The following CCBE1 variants were observed in gnomAD, a reference collection of about 807,000 sequenced individuals.
The protein encoded by CCBE1 is collagen and calcium-binding EGF domain-containing protein 1.
CCBE1 carries 37 observed loss-of-function variants against 50.0 expected under a neutral mutation model. The ratio of observed to expected loss-of-function variants is 0.74; its 90% CI spans 0.57 to 0.97. CCBE1 has a LOEUF of 0.97. Ranked by LOEUF, CCBE1 falls within the 50% of genes least tolerant of loss-of-function variation. The probability of loss-of-function intolerance (pLI) is 0.00; values close to 1 mark genes in which losing one functional copy is unlikely to be tolerated. For synonymous variants in CCBE1, 234 were observed against 203.7 expected, an observed-to-expected ratio of 1.15 and a Z score of -1.27; for missense variants, 538 against 523.8, an observed-to-expected ratio of 1.03 and a Z score of -0.26.
At chr18:59,467,610 C>T (rs1290326210) in intron 4 of CCBE1, among the ~76,000 whole-genome samples, 3 of 152,164 alleles carry the variant, frequency 2.0e-5, no homozygotes, top group Non-Finnish European at 4.4e-5. Context: ...GGACTTGCTC[C>T]CCTGCCGCAT....
intron 6 of CCBE1, among the ~76,000 whole-genome samples, chr18:59,452,187 T>G (rs1910968887): frequency 6.6e-6 from 1 of 152,198 alleles, no homozygotes; most frequent in African/African-American, 2.4e-5. Context: ...GCTGTGGGGT[T>G]GGCCATGGTC....
chr18:59,614,096 C>T lies in CCBE1; in HGVS notation c.212+82533G>A, dbSNP rs1416402029. Among the ~76,000 whole-genome samples, 9 of 152,164 alleles carry T rather than the reference C, an allele frequency of 5.9e-5. No homozygotes were observed. The East Asian group carries it at 9.7e-4, about 16-fold the overall frequency. On this transcript the variant is annotated intron_variant, in intron 2 of 10. Coordinates refer to ENST00000439986, the MANE Select transcript of CCBE1 (RefSeq NM_133459.4). ...TCTCGTCTAACTGCAACCTCTGCCT[C>T]GAAGGTTCAAGAGATTCTCCTGTCT...
intron 5 of CCBE1, among the ~76,000 whole-genome samples, chr18:59,465,887 A>T (rs1911717730): frequency 6.6e-6 from 1 of 152,108 alleles, no homozygotes; most frequent in Admixed American, 6.5e-5. Context: ...TTTCTCTAAG[A>T]GCACACCACT....
Position 59,466,845 on chromosome 18 carries a change from G to C in CCBE1, c.447C>G (p.Ile149Met). Reference protein sequence around the residue: ...ASSNGTLCAHICINTLGSYRC... With the variant: ...ASSNGTLCAHMCINTLGSYRC... ...GGTAGCTGCCCAAGGTATTGATGCA[G>C]ATGTGGGCACACAGCGTCCCATTGC... The change falls in exon 5 of 11, where the codon ATC (isoleucine) becomes ATG (methionine). Residue 149 changes from isoleucine to methionine, a missense_variant. Transcript: ENST00000439986. 6.2e-7 allele frequency: 1 copy of C among 1,613,708 alleles called. No homozygotes were observed. The highest frequency in any genetic ancestry group is 8.5e-7 in the Non-Finnish European group (1 of 1,179,886).
At chr18:59,627,256 T>C (rs549798383) in intron 2 of CCBE1, among the ~76,000 whole-genome samples, 75 of 152,198 alleles carry the variant, frequency 4.9e-4, no homozygotes, top group Non-Finnish European at 9.0e-4. Context: ...ATAATCTCAT[T>C]TGAAATGTCA....
At chr18:59,678,636 G>A (rs1037554967) in intron 2 of CCBE1, among the ~76,000 whole-genome samples, 1 of 152,074 alleles carries the variant, frequency 6.6e-6, no homozygotes, top group African/African-American at 2.4e-5. Flanking sequence ...AGGTTCAAGC[G>A]ATTCTCCTGC....
At chr18:59,501,647 T>C (rs1324276701) in intron 2 of CCBE1, among the ~76,000 whole-genome samples, 2 of 152,198 alleles carry the variant, frequency 1.3e-5, no homozygotes, top group Non-Finnish European at 2.9e-5. Context: ...CCCACATTCC[T>C]ACTACCTGTG....
At chr18:59,667,146 A>G (rs1397275562) in intron 2 of CCBE1, among the ~76,000 whole-genome samples, 2 of 151,806 alleles carry the variant, frequency 1.3e-5, no homozygotes, top group East Asian at 3.9e-4. Context: ...GCATACGTCT[A>G]TAGTCCCAGC....
intron 2 of CCBE1, among the ~76,000 whole-genome samples, chr18:59,598,658 G>T (rs552954806): frequency 1.3e-5 from 2 of 152,318 alleles, no homozygotes; most frequent in South Asian, 4.1e-4. Context: ...GCTGAGGTAG[G>T]TGTGGCCCTA....
intron 4 of CCBE1, among the ~76,000 whole-genome samples, chr18:59,468,879 T>C (rs17065849): frequency 0.31 from 47,296 of 151,122 alleles, 7,842 homozygotes; most frequent in East Asian, 0.55. Context: ...AGATGTTTCT[T>C]GGGTTAGTTA....
At chr18:59,477,538 C>CTGTGTGTGTGTG (rs55840819) in intron 3 of CCBE1, among the ~76,000 whole-genome samples, 2,208 of 149,964 alleles carry the variant, frequency 0.015, 42 homozygotes, top group East Asian at 0.086. Flanking sequence ...TTCCATGTCT[C>CTGTGTGTGTGTG]TGTGTGTGTG....
At chr18:59,464,736 G>A (rs997029641) in intron 5 of CCBE1, among the ~76,000 whole-genome samples, 7 of 152,230 alleles carry the variant, frequency 4.6e-5, no homozygotes, top group Non-Finnish European at 7.3e-5. Context: ...GCCAGGCAGC[G>A]GAAGCTGGTC....
intron 2 of CCBE1, among the ~76,000 whole-genome samples, chr18:59,506,874 G>A (rs991820535): frequency 2.0e-5 from 3 of 152,194 alleles, no homozygotes; most frequent in Admixed American, 1.3e-4. Flanking sequence ...TTCCCATAAA[G>A]TGACTATTAG....
At chr18:59,469,966 C>T (rs923962155) in intron 3 of CCBE1, among the ~76,000 whole-genome samples, 2 of 152,142 alleles carry the variant, frequency 1.3e-5, no homozygotes, top group African/African-American at 4.8e-5. Context: ...AGGCAGGTGA[C>T]TCCACCCAGC....
intron 10 of CCBE1, among the ~76,000 whole-genome samples, chr18:59,436,971 CA>C (rs34748847): frequency 6.6e-6 from 1 of 151,260 alleles, no homozygotes; most frequent in Non-Finnish European, 1.5e-5. Flanking sequence ...GACCCTGTCT[CA>C]AAAAAAACAA....
In CCBE1 at chr18:59,495,813, C is replaced by G. The variant is rs1044505318; in HGVS notation, c.213-15575G>C. On this transcript the variant is annotated intron_variant, in intron 2 of 10. Coordinates refer to ENST00000439986, the MANE Select transcript of CCBE1 (RefSeq NM_133459.4). Reference sequence around the variant, plus strand: ...AGGGGGCACTGCGGCCGCCCTGGTTCTCCAGGCAACTGCCGCTCTCGGGTG... The same window carrying G: ...AGGGGGCACTGCGGCCGCCCTGGTTGTCCAGGCAACTGCCGCTCTCGGGTG... Among the ~76,000 whole-genome samples, 83 of 152,212 alleles carry G rather than the reference C, an allele frequency of 5.5e-4. No individual in the cohort carries two copies. The East Asian group carries it at 0.015, about 27-fold the overall frequency.
intron 2 of CCBE1, among the ~76,000 whole-genome samples, chr18:59,577,683 C>T (rs1008634803): frequency 2.6e-5 from 4 of 152,106 alleles, no homozygotes; most frequent in Admixed American, 2.0e-4. Flanking sequence ...GTTCAACAAA[C>T]GAGGTAGTTG....
intron 7 of CCBE1, among the ~76,000 whole-genome samples, chr18:59,444,286 G>A (rs1910575729): frequency 6.6e-6 from 1 of 152,020 alleles, no homozygotes. Context: ...ATTCCCAGGA[G>A]TGGCATTTCT....
chr18:59,546,426 A>C (rs1915684471), intron 2 of CCBE1, among the ~76,000 whole-genome samples: 2 of 152,210 alleles, frequency 1.3e-5, no homozygotes, highest in African/African-American at 4.8e-5. Context: ...TCATAGCCCA[A>C]GCTGAGGCTT....
Sources: gnomAD v4.1 joint callset for allele counts (sites outside exome capture counted in the v4.1 genomes callset) on GRCh38, gnomAD v4.1.1 for gene constraint, MANE v1.5 for transcripts, NCBI Gene and HGNC (gene_info 2026-07-23, HGNC 2026-07-21) for gene names.